Variants in GREP1 observed in about 807,000 individuals in gnomAD.
GREP1 encodes the protein glycine-rich extracellular protein 1.
chr16:2,989,727 G>A lies in GREP1; in HGVS notation c.130+175G>A, dbSNP rs542043808. The stretch of plus-strand genomic sequence containing the variant: ...GTGTCCCCCAGGCACCCTGGCTGGG[G>A]AGAGGGGAAGGCAGGCAGGAAGAAA... On this transcript the variant is annotated intron_variant, in intron 3 of 34. Coordinates refer to ENST00000573315, the Ensembl canonical transcript of GREP1. This position sits in a 1 kb window ranked among gnomAD's most constrained non-coding sequence, Gnocchi z 4.2. Among the ~76,000 whole-genome samples, 322 of 152,266 alleles carry A rather than the reference G, an allele frequency of 2.1e-3. No homozygotes were observed. The highest frequency in any genetic ancestry group is 7.0e-3 in the African/African-American group (290 of 41,550).
chr16:2,990,996 T>C (rs1317254978), intron 7 of GREP1, 52 bp from the exon 7 acceptor site: 1 of 399,100 alleles, frequency 2.5e-6, no homozygotes, highest in African/African-American at 2.1e-5. Context: ...TCTCTGTCTC[T>C]GCTTGACGCC....
Position 2,991,043 on chromosome 16 carries a change from C to A in GREP1, c.269-5C>A. 1 of 399,254 alleles carries A rather than the reference C, an allele frequency of 2.5e-6. No individual in the cohort carries two copies. The highest frequency in any genetic ancestry group is 4.4e-6 in the Non-Finnish European group (1 of 226,220). 24.7% of individuals were successfully genotyped at this position (399,254 alleles called of 1,614,324 possible). ...CCTCATGTCCCTCTGGCTCTGTCTCCCCAGGATATGGAAACGGGCTGGGAG... is the reference window on the plus strand; with the variant it reads ...CCTCATGTCCCTCTGGCTCTGTCTCACCAGGATATGGAAACGGGCTGGGAG... On this transcript the variant is annotated splice_polypyrimidine_tract_variant and splice_region_variant and intron_variant, in intron 7 of 34. Coordinates refer to ENST00000573315, the Ensembl canonical transcript of GREP1. The surrounding 1 kb of genome is among the most constrained non-coding windows in gnomAD (Gnocchi z 4.9).
At chr16:3,000,498 G>C (rs2072454888) in intron 31 of GREP1, 1 of 399,146 alleles carries the variant, frequency 2.5e-6, no homozygotes, top group Non-Finnish European at 4.4e-6. Context: ...AAGTGCAGTG[G>C]AGTGGGGGAG....
At chr16:3,001,381 G>A (rs759277971) in intron 34 of GREP1, 47 bp downstream of exon 28, 12 of 398,998 alleles carry the variant, frequency 3.0e-5, no homozygotes, top group Non-Finnish European at 4.9e-5. Flanking sequence ...AAGGCCCCCC[G>A]TGGTCACCCC....
chr16:2,998,352 C>T lies in GREP1; in HGVS notation c.950-4C>T, dbSNP rs2072438026. 1 of 399,354 alleles carries T rather than the reference C, an allele frequency of 2.5e-6. No homozygotes were observed. The highest frequency in any genetic ancestry group is 4.4e-6 in the Non-Finnish European group (1 of 226,420). 24.7% of individuals were successfully genotyped at this position (399,354 alleles called of 1,614,324 possible). On this transcript the variant is annotated splice_polypyrimidine_tract_variant and splice_region_variant and intron_variant, in intron 23 of 34. Transcript: ENST00000573315. ...TGAACTGGCCTCTTTCTGTCTCTCC[C>T]CAGGCCTGCGAGGGACCTTGAAGCC...
At chr16:2,998,624 C>A (rs547491793) in intron 25 of GREP1, 101 bp downstream of exon 23, 3 of 398,262 alleles carry the variant, frequency 7.5e-6, no homozygotes, top group African/African-American at 2.1e-5. Context: ...CCTGCCAGAT[C>A]CCTACATCCC....
chr16:2,990,743 C>T (rs538489031), intron 7 of GREP1, among the ~76,000 whole-genome samples, 156 bp downstream of exon 6: 59 of 152,200 alleles, frequency 3.9e-4, no homozygotes, highest in African/African-American at 1.3e-3. Context: ...GGGTGTCTCA[C>T]GGGAAGTGGG....
exon 7 of GREP1, chr16:2,990,565 C>T (rs745799015): frequency 1.0e-4 from 41 of 399,198 alleles, no homozygotes; most frequent in East Asian, 3.9e-4. Flanking sequence ...TCAGGACCTT[C>T]GCAGGTGCTG....
intron 31 of GREP1, chr16:3,000,502 G>C (rs1449125492): frequency 5.0e-6 from 2 of 399,252 alleles, no homozygotes; most frequent in Admixed American, 4.4e-5. Context: ...GCAGTGGAGT[G>C]GGGGAGACAA....
exon 35 of GREP1, chr16:3,001,827 T>C (rs2072463765): frequency 5.1e-6 from 2 of 391,712 alleles, no homozygotes; most frequent in African/African-American, 2.1e-5. Flanking sequence ...AGGGACCATG[T>C]TCCCAACAGG....
chr16:2,992,633 G>A lies in GREP1; in HGVS notation c.323-172G>A. ...GGGTGGCCACGGTCTGGACTCCCGG[G>A]CCAAGAACCAAATCCAACTTTGACT... On this transcript the variant is annotated intron_variant, in intron 8 of 34. Transcript: ENST00000573315. The surrounding 1 kb of genome is among the most constrained non-coding windows in gnomAD (Gnocchi z 4.9). 1 of 394,664 alleles carries A rather than the reference G, an allele frequency of 2.5e-6. No homozygotes were observed. Among genetic ancestry groups the A allele is most frequent in the Non-Finnish European group, 4.5e-6 (1 of 223,924 alleles). The allele number at this position is 394,664 out of a possible 1,614,324, so 24.4% of individuals were successfully genotyped here.
rs1019673256 is a variant in GREP1 at position 2,992,519 on chromosome 16, T to C, written c.323-286T>C. The C allele has an allele frequency of 3.6e-6, 1 of 280,338 alleles. No individual in the cohort carries two copies. Among genetic ancestry groups the C allele is most frequent in the East Asian group, 6.0e-5 (1 of 16,720 alleles). The allele number at this position is 280,338 out of a possible 1,614,324, so 17.4% of individuals were successfully genotyped here. ...ACTCTGGGTCCCAACAGATGGGCTC[T>C]TGGGGGTTCATTCATTCACCCAATC... On this transcript the variant is annotated intron_variant, in intron 8 of 34. Coordinates refer to ENST00000573315, the Ensembl canonical transcript of GREP1. The surrounding 1 kb of genome is among the most constrained non-coding windows in gnomAD (Gnocchi z 4.9).
Position 2,992,767 on chromosome 16 carries a change from G to A in GREP1, c.323-38G>A. 7.5e-6 allele frequency: 3 copies of A among 399,264 alleles called. No individual in the cohort carries two copies. The highest frequency in any genetic ancestry group is 1.3e-5 in the Non-Finnish European group (3 of 226,246). 24.7% of individuals were successfully genotyped at this position (399,264 alleles called of 1,614,324 possible). A position where few individuals can be genotyped will look rare whatever the true frequency, so the allele number is the denominator to read the frequency against. The stretch of plus-strand genomic sequence containing the variant: ...CTCCAGGCCCCAGCTCATCCCCACT[G>A]CACCACCTTCCACACTCCTGTGTCT... On this transcript the variant is annotated intron_variant, in intron 8 of 34. Transcript: ENST00000573315. The surrounding 1 kb of genome is among the most constrained non-coding windows in gnomAD (Gnocchi z 4.9).
At chr16:3,000,589 G>A (rs1007941332) in exon 32 of GREP1, 2 of 398,848 alleles carry the variant, frequency 5.0e-6, no homozygotes, top group African/African-American at 2.1e-5. Flanking sequence ...CCCCAAAGCA[G>A]CAGCTCTAGC....
At chr16:2,990,396 G>A (rs1269456083) in intron 5 of GREP1, 156 bp from the exon 6 acceptor site, 1 of 398,886 alleles carries the variant, frequency 2.5e-6, no homozygotes, top group Non-Finnish European at 4.4e-6. Flanking sequence ...CAGGATTCTA[G>A]GGGTATCCCT....
chr16:2,995,226 G>C, intron 13 of GREP1, 58 bp from the exon 15 acceptor site: 1 of 398,828 alleles, frequency 2.5e-6, no homozygotes, highest in East Asian at 3.6e-5. Context: ...CTGGGGTTCT[G>C]GGGTGGATCT....
At position 2,999,071 on chromosome 16, in the gene GREP1, G is replaced by A. The variant is rs1284616091; in HGVS notation, c.1144+92G>A. On this transcript the variant is annotated intron_variant, in intron 26 of 34. Coordinates refer to ENST00000573315, the Ensembl canonical transcript of GREP1. ...GGCTGCCATATCCCACTCTGTCCTC[G>A]GATGCCAAGGCTCAGAGAGGGCAGT... is the stretch of plus-strand genomic sequence containing the variant. The A allele has an allele frequency of 4.5e-5, 18 of 398,578 alleles. No individual in the cohort carries two copies. The Middle Eastern group carries it at 1.9e-3, about 41-fold the overall frequency. The allele number at this position is 398,578 out of a possible 1,614,324, so 24.7% of individuals were successfully genotyped here.
chr16:2,988,509 TGGA>T (rs2072382539), intron 1 of GREP1, 78 bp from the exon 2 acceptor site: 1 of 386,020 alleles, frequency 2.6e-6, no homozygotes, highest in Non-Finnish European at 4.6e-6. Flanking sequence ...TTTTGGGGGC[TGGA>T]GGATAGATGC....
At chr16:2,988,719 G>A (rs2072383800) in intron 2 of GREP1, 97 bp downstream of exon 2, 1 of 398,856 alleles carries the variant, frequency 2.5e-6, no homozygotes, top group East Asian at 3.6e-5. Context: ...GCGGGGCCCA[G>A]GAGAGCTCAG....
Sources: gnomAD v4.1 joint callset for allele counts (sites outside exome capture counted in the v4.1 genomes callset) on GRCh38, gnomAD v4.1.1 for gene constraint, Gnocchi (gnomAD v3.1) non-coding constraint, MANE v1.5 for transcripts, NCBI Gene and HGNC (gene_info 2026-07-23, HGNC 2026-07-21) for gene names.